The following SLC12A8 variants were observed in gnomAD, a reference collection of about 807,000 sequenced individuals.
SLC12A8 encodes cation-chloride cotransporter 9.
A neutral mutation model predicts 75.6 loss-of-function variants in SLC12A8; 69 were observed. The observed-to-expected ratio is 0.91, with a 90% CI of 0.75 to 1.11. The LOEUF is 1.11. Among genes scored for constraint, SLC12A8 ranks in the 50% most tolerant of loss-of-function variants. The probability of loss-of-function intolerance (pLI) is 0.00; values close to 1 mark genes in which losing one functional copy is unlikely to be tolerated. For synonymous variants in SLC12A8, 365 were observed against 372.8 expected, an observed-to-expected ratio of 0.98 and a Z score of 0.24; for missense variants, 877 against 896.7, an observed-to-expected ratio of 0.98 and a Z score of 0.28.
intron 4 of SLC12A8, among the ~76,000 whole-genome samples, chr3:125,181,372 C>A (rs58804679): frequency 2.0e-5 from 3 of 150,146 alleles, no homozygotes; most frequent in Admixed American, 2.0e-4. Flanking sequence ...GAGGCCGAGG[C>A]GGGTGGATCA....
At chr3:125,101,149 G>A (rs1349494199) in intron 10 of SLC12A8, among the ~76,000 whole-genome samples, 1 of 151,696 alleles carries the variant, frequency 6.6e-6, no homozygotes, top group Non-Finnish European at 1.5e-5. Context: ...GCACAGGTTT[G>A]ACAGTCAGAT....
intron 12 of SLC12A8, among the ~76,000 whole-genome samples, chr3:125,089,329 T>C (rs1426664625): frequency 6.6e-6 from 1 of 152,180 alleles, no homozygotes; most frequent in Non-Finnish European, 1.5e-5. Flanking sequence ...AAAATAAACA[T>C]ATTTTATTAA....
chr3:125,114,691 T>C (rs1470005041), intron 8 of SLC12A8, among the ~76,000 whole-genome samples: 1 of 152,188 alleles, frequency 6.6e-6, no homozygotes, highest in Non-Finnish European at 1.5e-5. Context: ...CCTCCCAAAG[T>C]GCTGGGATTA....
chr3:125,140,725 T>C (rs1933609856), intron 5 of SLC12A8, among the ~76,000 whole-genome samples: 1 of 151,810 alleles, frequency 6.6e-6, no homozygotes, highest in Non-Finnish European at 1.5e-5. Flanking sequence ...TTTCTTTCCT[T>C]TTTTTTCTTA....
At chr3:125,149,450 T>C (rs904134714) in intron 5 of SLC12A8, among the ~76,000 whole-genome samples, 3 of 152,214 alleles carry the variant, frequency 2.0e-5, no homozygotes, top group Admixed American at 6.5e-5. Flanking sequence ...TGCCTGCTGC[T>C]GGCCAGGGGT....
chr3:125,147,964 T>C (rs1933826285), intron 5 of SLC12A8, among the ~76,000 whole-genome samples: 1 of 152,196 alleles, frequency 6.6e-6, no homozygotes, highest in Non-Finnish European at 1.5e-5. Flanking sequence ...ACTAGGCCTC[T>C]TATAAACATT....
intron 5 of SLC12A8, among the ~76,000 whole-genome samples, chr3:125,138,234 C>T (rs565659969): frequency 8.3e-4 from 127 of 152,206 alleles, no homozygotes; most frequent in Middle Eastern, 3.4e-3. Context: ...AACCCCATCT[C>T]TACTAAAAAT....
At chr3:125,094,875 C>T (rs1380773415) in intron 10 of SLC12A8, among the ~76,000 whole-genome samples, 2 of 152,230 alleles carry the variant, frequency 1.3e-5, no homozygotes, top group Non-Finnish European at 2.9e-5. Flanking sequence ...TCCTAGCCCT[C>T]ATCCCATTTG....
At chr3:125,130,441 A>G (rs1933323110) in intron 6 of SLC12A8, among the ~76,000 whole-genome samples, 1 of 151,828 alleles carries the variant, frequency 6.6e-6, no homozygotes, top group South Asian at 2.1e-4. Context: ...AAAATACAAA[A>G]ATTAGCCAGG....
intron 7 of SLC12A8, 47 bp from the exon 8 acceptor site, chr3:125,118,903 C>T: frequency 1.6e-6 from 2 of 1,263,182 alleles, no homozygotes; most frequent in Non-Finnish European, 2.3e-6. Flanking sequence ...CTCACCTCAC[C>T]CAGCCCCATC....
intron 2 of SLC12A8, among the ~76,000 whole-genome samples, chr3:125,204,591 G>A (rs1173301645): frequency 6.6e-6 from 1 of 152,120 alleles, no homozygotes; most frequent in Non-Finnish European, 1.5e-5. Context: ...GGATTGGGGG[G>A]ATGAAGAGAG....
At chr3:125,184,287 C>G (rs761649631) in intron 4 of SLC12A8, among the ~76,000 whole-genome samples, 4 of 152,168 alleles carry the variant, frequency 2.6e-5, no homozygotes, top group Non-Finnish European at 4.4e-5. Flanking sequence ...CTTTTAAAAT[C>G]ATTACTTTAA....
At chr3:125,141,919 A>C (rs1933650331) in intron 5 of SLC12A8, among the ~76,000 whole-genome samples, 1 of 151,916 alleles carries the variant, frequency 6.6e-6, no homozygotes, top group African/African-American at 2.4e-5. Flanking sequence ...AGGAAAGGGA[A>C]AGGAGAGGCC....
intron 10 of SLC12A8, among the ~76,000 whole-genome samples, chr3:125,098,513 A>G (rs1938775498): frequency 6.6e-6 from 1 of 151,346 alleles, no homozygotes; most frequent in South Asian, 2.1e-4. Flanking sequence ...AACCAGAGGG[A>G]CTTCTAGCCA....
intron 5 of SLC12A8, among the ~76,000 whole-genome samples, chr3:125,172,313 T>TCTCC (rs1934420916): frequency 6.7e-6 from 1 of 148,658 alleles, no homozygotes; most frequent in South Asian, 2.1e-4. Context: ...TCTCTCTCTC[T>TCTCC]CTCCCTCTCC....
intron 2 of SLC12A8, among the ~76,000 whole-genome samples, chr3:125,197,298 A>AT (rs60178033): frequency 0.92 from 140,536 of 151,994 alleles, 65,465 homozygotes; most frequent in South Asian, 0.98. Flanking sequence ...TAATTAACCG[A>AT]TTTTTTTCTT....
At chr3:125,085,170 C>T (rs1044687581) in intron 13 of SLC12A8, among the ~76,000 whole-genome samples, 3 of 152,126 alleles carry the variant, frequency 2.0e-5, no homozygotes, top group Admixed American at 6.5e-5. Context: ...GGCTGAATCT[C>T]CAAAAAGTTT....
intron 10 of SLC12A8, among the ~76,000 whole-genome samples, chr3:125,092,973 C>T (rs929920868): frequency 7.2e-5 from 11 of 152,188 alleles, no homozygotes; most frequent in East Asian, 1.9e-4. Flanking sequence ...GGCAATTTCT[C>T]ATCTCTCAAT....
chr3:125,199,696 T>C lies in SLC12A8; in HGVS notation c.52-9175A>G, dbSNP rs529014908. Among the ~76,000 whole-genome samples, 12 of 151,844 alleles carry C rather than the reference T, an allele frequency of 7.9e-5. No homozygotes were observed. The South Asian group carries it at 2.1e-3, about 26-fold the overall frequency. On this transcript the variant is annotated intron_variant, in intron 2 of 13. Coordinates refer to ENST00000469902, the MANE Select transcript of SLC12A8 (RefSeq NM_024628.6). The stretch of plus-strand genomic sequence containing the variant: ...AGGAGTTCGAGGCTACAATGAACTA[T>C]GCTCACGCCACTGCACTCCAGCCTG...
Sources: gnomAD v4.1 joint callset for allele counts (sites outside exome capture counted in the v4.1 genomes callset) on GRCh38, gnomAD v4.1.1 for gene constraint, MANE v1.5 for transcripts, NCBI Gene and HGNC (gene_info 2026-07-23, HGNC 2026-07-21) for gene names.